Variants in KPNA6 observed in about 807,000 individuals in gnomAD.
KPNA6 encodes karyopherin subunit alpha 6.
In KPNA6, 9 loss-of-function variants were observed where a neutral mutation model predicts 72.0. That is an observed-to-expected ratio of 0.13 (90% CI 0.08 to 0.22). KPNA6 has a LOEUF of 0.22. Ranked by LOEUF, KPNA6 falls within the 10% of genes least tolerant of loss-of-function variation. The probability of loss-of-function intolerance (pLI) is 1.00; values close to 1 mark genes in which losing one functional copy is unlikely to be tolerated. For missense variants in KPNA6, 374 were observed against 655.7 expected, an observed-to-expected ratio of 0.57 and a Z score of 4.69; for synonymous variants, 219 against 242.1, an observed-to-expected ratio of 0.90 and a Z score of 0.89.
chr1:32,152,092 G>A (rs1041676944), intron 1 of KPNA6, among the ~76,000 whole-genome samples: 1 of 152,194 alleles, frequency 6.6e-6, no homozygotes, highest in Admixed American at 6.5e-5. Context: ...CACTTTGGGA[G>A]GCTGAGGCAG....
At chr1:32,143,604 A>G (rs1191468087) in intron 1 of KPNA6, among the ~76,000 whole-genome samples, 2 of 151,294 alleles carry the variant, frequency 1.3e-5, no homozygotes, top group Non-Finnish European at 2.9e-5. Context: ...AAAAAAAATT[A>G]TTAGTGATAA....
At position 32,115,452 on chromosome 1, in the gene KPNA6, TA is replaced by T. The variant is rs569239757; in HGVS notation, c.4+7319del. 8.6e-5 allele frequency among the ~76,000 whole-genome samples: 13 copies of T among 151,842 alleles called. No individual in the cohort carries two copies. In the South Asian group the frequency reaches 2.3e-3, roughly 27 times the overall value. The stretch of plus-strand genomic sequence containing the variant: ...CTGTGCCCAACTTTTTTTTTTAAGA[TA>T]GGGTTTTTGTCTGTCACCCAGGCTG... On this transcript the variant is annotated intron_variant, in intron 1 of 13. Coordinates refer to ENST00000373625, the MANE Select transcript of KPNA6 (RefSeq NM_012316.5).
intron 5 of KPNA6, among the ~76,000 whole-genome samples, chr1:32,158,981 C>T (rs1413636316): frequency 6.6e-6 from 1 of 152,274 alleles, no homozygotes; most frequent in East Asian, 1.9e-4. Flanking sequence ...GGTGATGGGT[C>T]AATCCATTGG....
At chr1:32,139,350 A>C (rs1382577898) in intron 1 of KPNA6, among the ~76,000 whole-genome samples, 1 of 152,196 alleles carries the variant, frequency 6.6e-6, no homozygotes, top group East Asian at 1.9e-4. Context: ...AGCTAAGGAA[A>C]AGCGTTGAAG....
At chr1:32,163,144 T>G in intron 9 of KPNA6, 91 bp from the exon 10 acceptor site, 1 of 814,372 alleles carries the variant, frequency 1.2e-6, no homozygotes, top group Non-Finnish European at 2.1e-6. Context: ...TACAGGTTCC[T>G]TAAGCTTCTC....
chr1:32,156,784 T>C, intron 2 of KPNA6, 69 bp from the exon 3 acceptor site: 1 of 1,211,478 alleles, frequency 8.3e-7, no homozygotes, highest in East Asian at 2.3e-5. Flanking sequence ...TGCCATAATT[T>C]AACATTGGAT....
At chr1:32,113,662 G>A (rs1295811791) in intron 1 of KPNA6, among the ~76,000 whole-genome samples, 1 of 151,966 alleles carries the variant, frequency 6.6e-6, no homozygotes, top group Non-Finnish European at 1.5e-5. Flanking sequence ...AGCCTGTCTT[G>A]AACTGGGCTC....
chr1:32,120,153 T>C (rs748778667), intron 1 of KPNA6, among the ~76,000 whole-genome samples: 9 of 152,210 alleles, frequency 5.9e-5, no homozygotes, highest in Non-Finnish European at 1.2e-4. Flanking sequence ...CTGTCTTATT[T>C]GTAAATGTTA....
intron 1 of KPNA6, among the ~76,000 whole-genome samples, chr1:32,127,513 C>T (rs1354997326): frequency 6.6e-6 from 1 of 152,190 alleles, no homozygotes; most frequent in Non-Finnish European, 1.5e-5. Flanking sequence ...TGGAAAGGCC[C>T]TTTCTTGTAT....
intron 1 of KPNA6, among the ~76,000 whole-genome samples, chr1:32,120,371 A>G (rs1641410520): frequency 6.6e-6 from 1 of 151,000 alleles, no homozygotes; most frequent in East Asian, 2.0e-4. Context: ...CAGCCTCCCA[A>G]GTAGCTGGGA....
intron 9 of KPNA6, 114 bp from the exon 10 acceptor site, chr1:32,163,121 G>T (rs1314533634): frequency 4.5e-6 from 3 of 667,568 alleles, no homozygotes; most frequent in African/African-American, 3.7e-5. Context: ...AAAGAAAAAA[G>T]AAAAAAAAAG....
intron 1 of KPNA6, among the ~76,000 whole-genome samples, chr1:32,130,556 C>T (rs184034141): frequency 7.2e-5 from 11 of 152,144 alleles, no homozygotes; most frequent in South Asian, 2.1e-4. Context: ...GAGGCCGAGA[C>T]GGGCAAATCA....
At chr1:32,116,209 A>G (rs1227997302) in intron 1 of KPNA6, among the ~76,000 whole-genome samples, 2 of 146,828 alleles carry the variant, frequency 1.4e-5, no homozygotes, top group Non-Finnish European at 3.0e-5. Flanking sequence ...TTTTTGAGAC[A>G]GAGGCTGGAG....
chr1:32,168,336 C>T (rs1366585889), intron 12 of KPNA6, among the ~76,000 whole-genome samples: 2 of 152,148 alleles, frequency 1.3e-5, no homozygotes, highest in African/African-American at 2.4e-5. Flanking sequence ...GTTACAGGCA[C>T]GTGCCACCAC....
At chr1:32,140,565 T>C (rs553474965) in intron 1 of KPNA6, among the ~76,000 whole-genome samples, 7 of 152,322 alleles carry the variant, frequency 4.6e-5, no homozygotes, top group African/African-American at 1.7e-4. Context: ...TAGTGGATAA[T>C]TTATAGATAT....
At chr1:32,129,751 C>G (rs1267762773) in intron 1 of KPNA6, among the ~76,000 whole-genome samples, 1 of 151,912 alleles carries the variant, frequency 6.6e-6, no homozygotes, top group Non-Finnish European at 1.5e-5. Flanking sequence ...TTAGTAGAGA[C>G]GAGGTCTCAC....
intron 5 of KPNA6, among the ~76,000 whole-genome samples, chr1:32,158,759 C>A (rs1452956220): frequency 6.6e-6 from 1 of 152,196 alleles, no homozygotes; most frequent in Non-Finnish European, 1.5e-5. Flanking sequence ...ATTGACATAT[C>A]TCTCAGGAAG....
chr1:32,170,504 T>G (rs182400830), intron 13 of KPNA6, among the ~76,000 whole-genome samples: 30 of 152,312 alleles, frequency 2.0e-4, no homozygotes, highest in African/African-American at 7.2e-4. Flanking sequence ...CCTCTGTAAC[T>G]GACATTTTGG....
chr1:32,137,274 A>G (rs1641751256), intron 1 of KPNA6, among the ~76,000 whole-genome samples: 1 of 152,114 alleles, frequency 6.6e-6, no homozygotes, highest in Non-Finnish European at 1.5e-5. Context: ...GCTCCGTTCA[A>G]GCAATCCTCC....
Sources: allele counts gnomAD v4.1 joint callset (sites outside exome capture counted in the v4.1 genomes callset), GRCh38; gene constraint gnomAD v4.1.1; transcripts MANE v1.5; gene names NCBI Gene and HGNC (gene_info 2026-07-23, HGNC 2026-07-21).